The following MRTFB variants were observed in gnomAD, a reference collection of about 807,000 sequenced individuals.
The protein encoded by MRTFB is myocardin-related transcription factor B.
A neutral mutation model predicts 104.2 loss-of-function variants in MRTFB; 29 were observed. That is an observed-to-expected ratio of 0.28 (90% CI 0.21 to 0.38). MRTFB has a LOEUF of 0.38. Ranked by LOEUF, MRTFB falls within the 10% of genes least tolerant of loss-of-function variation. MRTFB has a pLI of 1.00. For missense variants in MRTFB, 1,270 were observed against 1,341.6 expected, an observed-to-expected ratio of 0.95 and a Z score of 0.83; for synonymous variants, 535 against 519.5, an observed-to-expected ratio of 1.03 and a Z score of -0.41.
chr16:14,071,833 GC>G (rs1398305166), intron 1 of MRTFB, among the ~76,000 whole-genome samples: 1 of 152,198 alleles, frequency 6.6e-6, no homozygotes, highest in Admixed American at 6.5e-5. Flanking sequence ...ACTCCCCTCA[GC>G]CCTTTTCTCC....
chr16:14,150,887 GA>G (rs1404475613), intron 3 of MRTFB: 2 of 152,186 alleles, frequency 1.3e-5, no homozygotes, highest in East Asian at 3.8e-4. Context: ...AGCACCTCCA[GA>G]ATCACTAGTG....
intron 12 of MRTFB, 119 bp from the exon 13 acceptor site, chr16:14,248,807 C>T (rs72785434): frequency 0.044 from 45,716 of 1,038,922 alleles, 1,248 homozygotes; most frequent in Non-Finnish European, 0.053. Context: ...GTATCTGTAA[C>T]CTTGGTCTTA....
intron 3 of MRTFB, among the ~76,000 whole-genome samples, chr16:14,172,575 A>G (rs1362935182): frequency 7.9e-5 from 12 of 152,116 alleles, no homozygotes; most frequent in Admixed American, 7.9e-4. Flanking sequence ...TCAAAAGAAA[A>G]ATGCATGTGT....
intron 3 of MRTFB, among the ~76,000 whole-genome samples, chr16:14,175,961 A>C (rs930157064): frequency 2.0e-5 from 3 of 152,224 alleles, no homozygotes; most frequent in African/African-American, 7.2e-5. Flanking sequence ...TGGAAACTGC[A>C]AAGGGGCAGG....
chr16:14,168,933 C>T (rs1024957410), intron 3 of MRTFB, among the ~76,000 whole-genome samples: 2 of 152,102 alleles, frequency 1.3e-5, no homozygotes, highest in African/African-American at 4.8e-5. Flanking sequence ...TTTTGATTTG[C>T]ATTTTCATGA....
the MRTFB span, among the ~76,000 whole-genome samples, chr16:14,025,085 G>A: frequency 6.6e-6 from 1 of 152,168 alleles, no homozygotes; most frequent in Non-Finnish European, 1.5e-5. Flanking sequence ...ACCAACTGAG[G>A]GTTGTTTAAA....
At chr16:14,252,284 G>C (rs1337201598) in intron 14 of MRTFB, 81 bp from the exon 15 acceptor site, 1 of 1,552,504 alleles carries the variant, frequency 6.4e-7, no homozygotes, top group Non-Finnish European at 8.7e-7. Context: ...ACTACATAGA[G>C]AACAGCAGAG....
intron 1 of MRTFB, among the ~76,000 whole-genome samples, chr16:14,073,502 A>T (rs564682275): frequency 1.2e-4 from 19 of 152,298 alleles, no homozygotes; most frequent in African/African-American, 4.6e-4. Context: ...TTTCTTTCAG[A>T]AGTGTCTGAC....
intron 2 of MRTFB, among the ~76,000 whole-genome samples, chr16:14,108,844 C>T (rs1333884969): frequency 2.0e-5 from 3 of 152,132 alleles, no homozygotes; most frequent in Non-Finnish European, 4.4e-5. Flanking sequence ...AAACCTTTCC[C>T]CCATCGTCTC....
chr16:14,252,830 TTTCTA>T (rs1427338120), intron 15 of MRTFB, among the ~76,000 whole-genome samples: 3 of 152,146 alleles, frequency 2.0e-5, no homozygotes, highest in African/African-American at 7.2e-5. Context: ...GGTCCCTTCT[TTTCTA>T]AAGCCACCAT....
intron 3 of MRTFB, among the ~76,000 whole-genome samples, chr16:14,194,482 T>C (rs1402751365): frequency 6.6e-6 from 1 of 152,178 alleles, no homozygotes; most frequent in African/African-American, 2.4e-5. Context: ...TGCAGTCACA[T>C]TGGGGGTTAG....
At chr16:14,030,059 G>A in the MRTFB span, among the ~76,000 whole-genome samples, 1 of 152,086 alleles carries the variant, frequency 6.6e-6, no homozygotes, top group African/African-American at 2.4e-5. Flanking sequence ...ACCTCCATGG[G>A]CACGATGAGG....
chr16:14,212,306 G>A (rs1440696535), intron 4 of MRTFB, 48 bp from the exon 5 acceptor site: 1 of 1,560,438 alleles, frequency 6.4e-7, no homozygotes, highest in Non-Finnish European at 8.8e-7. Context: ...ACATTGGACT[G>A]AAGTATGAAC....
At chr16:14,219,099 A>C in intron 8 of MRTFB, 101 bp downstream of exon 8, 1 of 1,203,620 alleles carries the variant, frequency 8.3e-7, no homozygotes, top group Non-Finnish European at 1.1e-6. Context: ...TTCTGAATTG[A>C]ATTTAAATTG....
intron 2 of MRTFB, among the ~76,000 whole-genome samples, chr16:14,136,474 T>C (rs999041689): frequency 6.6e-6 from 1 of 152,088 alleles, no homozygotes; most frequent in Non-Finnish European, 1.5e-5. Flanking sequence ...GTAGGATCAC[T>C]CTGTCCCAAA....
the MRTFB span, among the ~76,000 whole-genome samples, chr16:14,054,173 T>C: frequency 6.6e-6 from 1 of 152,090 alleles, no homozygotes; most frequent in Non-Finnish European, 1.5e-5. Context: ...CCTTTTCCCA[T>C]TCTTGACATA....
At chr16:14,058,710 TTG>T in the MRTFB span, among the ~76,000 whole-genome samples, 3 of 144,606 alleles carry the variant, frequency 2.1e-5, no homozygotes, top group Admixed American at 6.9e-5. Context: ...TTATTTGTAT[TTG>T]TTTTTTTTTT....
chr16:14,004,454 G>A, the MRTFB span, among the ~76,000 whole-genome samples: 6 of 152,142 alleles, frequency 3.9e-5, no homozygotes, highest in Non-Finnish European at 4.4e-5. Flanking sequence ...ACTGTGGGTC[G>A]GGTGGAAGTG....
At chr16:14,017,687 G>GTGTATATATATATATATA in the MRTFB span, among the ~76,000 whole-genome samples, 10 of 6,812 alleles carry the variant, frequency 1.5e-3, no homozygotes, top group Non-Finnish European at 3.8e-3. Context: ...GTGTGTGTGT[G>GTGTATATATATATATATA]TATATATATA....
Sources: allele counts gnomAD v4.1 joint callset (sites outside exome capture counted in the v4.1 genomes callset), GRCh38; gene constraint gnomAD v4.1.1; transcripts MANE v1.5; gene names NCBI Gene and HGNC (gene_info 2026-07-23, HGNC 2026-07-21).